The following PLXND1 variants were observed in gnomAD, a reference collection of about 807,000 sequenced individuals.
PLXND1 encodes the protein plexin D1.
Under a neutral mutation model 197.7 loss-of-function variants are expected in PLXND1, and 54 were observed. The ratio of observed to expected loss-of-function variants is 0.27; its 90% CI spans 0.22 to 0.34. The LOEUF is 0.34. Ranked by LOEUF, PLXND1 falls within the 10% of genes least tolerant of loss-of-function variation. The probability of loss-of-function intolerance (pLI) is 1.00; values close to 1 mark genes in which losing one functional copy is unlikely to be tolerated. For synonymous variants in PLXND1, 1,180 were observed against 1,161.2 expected (o/e 1.02, Z -0.33); for missense variants, 2,127 against 2,699.2 (o/e 0.79, Z 4.70).
intron 5 of PLXND1, among the ~76,000 whole-genome samples, chr3:129,585,749 C>T (rs903848225): frequency 4.6e-5 from 7 of 152,226 alleles, no homozygotes; most frequent in Non-Finnish European, 7.3e-5. Flanking sequence ...TAAGGCCTAA[C>T]GGAGGTGGAC....
In PLXND1 at chr3:129,571,981, C is replaced by T. The variant is rs528326220; in HGVS notation, c.3078-137G>A. 4 of 759,050 alleles carry T rather than the reference C, an allele frequency of 5.3e-6. No individual in the cohort carries two copies. In the East Asian group the frequency reaches 8.1e-5, roughly 15 times the overall value. 47.0% of individuals were successfully genotyped at this position (759,050 alleles called of 1,614,324 possible). ...TCCTTGACTGGTCCCAACTCATCTT[C>T]TGCCCAGTTAGTGCCCAGCTGTTTC... On this transcript the variant is annotated intron_variant, in intron 15 of 35. Transcript: ENST00000324093.
chr3:129,598,177 C>G (rs1560083420), intron 1 of PLXND1, among the ~76,000 whole-genome samples: 1 of 152,224 alleles, frequency 6.6e-6, no homozygotes, highest in Non-Finnish European at 1.5e-5. Context: ...AAGCCACATT[C>G]CAACATCTCT....
At chr3:129,592,743 A>C (rs1364551435) in intron 1 of PLXND1, among the ~76,000 whole-genome samples, 1 of 152,210 alleles carries the variant, frequency 6.6e-6, no homozygotes, top group Non-Finnish European at 1.5e-5. Context: ...TTTTTTAAAG[A>C]AGTAAGCCGT....
Position 129,563,084 on chromosome 3 carries a change from G to C in PLXND1, c.4668+10C>G. The C allele has an allele frequency of 6.2e-7, 1 of 1,613,370 alleles. No individual in the cohort carries two copies. Among genetic ancestry groups the C allele is most frequent in the Non-Finnish European group, 8.5e-7 (1 of 1,179,774 alleles). On this transcript the variant is annotated intron_variant, in intron 26 of 35. Transcript: ENST00000324093. The stretch of plus-strand genomic sequence containing the variant: ...GCAGCCCTGGGACCCTCCCCGCCCT[G>C]CCGACTTACCCGGGGCTTGGCCTCG...
Position 129,605,354 on chromosome 3 carries a change from G to A in PLXND1, c.1286C>T (p.Ala429Val). The A allele has an allele frequency of 6.8e-7, 1 of 1,467,856 alleles. No homozygotes were observed. 90.9% of individuals were successfully genotyped at this position (1,467,856 alleles called of 1,614,324 possible). Residue 429 changes from alanine to valine, a missense_variant, in exon 1 of 36, where the codon GCC becomes GTC. Coordinates refer to ENST00000324093, the MANE Select transcript of PLXND1 (RefSeq NM_015103.3). Reference sequence around the variant, plus strand: ...CTGGATGTTGAGCTTGCGCTCACAGGCCGGTCCCGTGCCCTGCACCACGCT... The same window carrying A: ...CTGGATGTTGAGCTTGCGCTCACAGACCGGTCCCGTGCCCTGCACCACGCT... Reference protein sequence around the residue: ...LDSVVQGTGPACERKLNIQLQ... With the variant: ...LDSVVQGTGPVCERKLNIQLQ...
intron 2 of PLXND1, 26 bp downstream of exon 2, chr3:129,589,325 C>A: frequency 2.6e-6 from 3 of 1,165,990 alleles, no homozygotes; most frequent in South Asian, 2.6e-5. Flanking sequence ...CCCCCACCCC[C>A]TCCCCACATC....
Position 129,597,694 on chromosome 3 carries a change from G to A in PLXND1, c.1311+7635C>T, listed in dbSNP as rs566279770. On this transcript the variant is annotated intron_variant, in intron 1 of 35. Coordinates refer to ENST00000324093, the MANE Select transcript of PLXND1 (RefSeq NM_015103.3). ...CTTGACTGCATCGAGTATCAGCCGAGCAGGGTGGAGCAGGGCCCCTGCCAC... is the reference window on the plus strand; with the variant it reads ...CTTGACTGCATCGAGTATCAGCCGAACAGGGTGGAGCAGGGCCCCTGCCAC... Among the ~76,000 whole-genome samples, 3 of 152,378 alleles carry A rather than the reference G, an allele frequency of 2.0e-5. No homozygotes were observed. The South Asian group carries it at 6.2e-4, about 32-fold the overall frequency.
Position 129,555,481 on chromosome 3 carries a change from G to C in PLXND1, c.*831C>G. 1.5e-6 allele frequency: 1 copy of C among 681,264 alleles called. No homozygotes were observed. Among genetic ancestry groups the C allele is most frequent in the South Asian group, 1.6e-5 (1 of 63,568 alleles). 42.2% of individuals were successfully genotyped at this position (681,264 alleles called of 1,614,324 possible). On this transcript the variant is annotated 3_prime_UTR_variant, in exon 36 of 36. Transcript: ENST00000324093. ...GGAGCCTCTCGGGACCCCTCCCCGGGTCCTCTGCGCAAGCGGCAGCTATTC... is the reference window on the plus strand; with the variant it reads ...GGAGCCTCTCGGGACCCCTCCCCGGCTCCTCTGCGCAAGCGGCAGCTATTC...
At chr3:129,559,596 C>A in intron 32 of PLXND1, 24 bp downstream of exon 32, 2 of 1,561,512 alleles carry the variant, frequency 1.3e-6, no homozygotes, top group East Asian at 2.3e-5. Context: ...ACAGTGAAGT[C>A]CACACGGCCC....
At chr3:129,584,737 TCA>T (rs899318270) in intron 5 of PLXND1, among the ~76,000 whole-genome samples, 175 bp from the exon 6 acceptor site, 1 of 152,152 alleles carries the variant, frequency 6.6e-6, no homozygotes, top group African/African-American at 2.4e-5. Flanking sequence ...CCTCTGAGCC[TCA>T]GTTTCCCCAG....
chr3:129,569,570 G>A (rs2085192420), intron 20 of PLXND1: 2 of 438,252 alleles, frequency 4.6e-6, no homozygotes, highest in Admixed American at 3.5e-5. Context: ...CTATTGACTG[G>A]AGAACATGGT....
intron 1 of PLXND1, among the ~76,000 whole-genome samples, chr3:129,599,605 A>T (rs1038217202): frequency 6.6e-6 from 1 of 152,220 alleles, no homozygotes; most frequent in Non-Finnish European, 1.5e-5. Context: ...CTCCTTCCAG[A>T]GGCTGATGAT....
Position 129,561,609 on chromosome 3 carries a change from G to T in PLXND1, c.4993+37C>A, listed in dbSNP as rs773467408. The T allele has an allele frequency of 3.3e-6, 5 of 1,495,540 alleles. No homozygotes were observed. In the South Asian group the frequency reaches 4.7e-5, roughly 14 times the overall value. The allele number at this position is 1,495,540 out of a possible 1,614,324, so 92.6% of individuals were successfully genotyped here. On this transcript the variant is annotated intron_variant, in intron 29 of 35. Transcript: ENST00000324093. ...ATGGGATGGAAGCCCCTGTCCACACGCAGCCTGGGCTCCCTTCCCACGTGC... is the reference window on the plus strand; with the variant it reads ...ATGGGATGGAAGCCCCTGTCCACACTCAGCCTGGGCTCCCTTCCCACGTGC...
At chr3:129,556,944 C>G (rs571263390) in intron 34 of PLXND1, 139 bp downstream of exon 34, 56 of 945,788 alleles carry the variant, frequency 5.9e-5, no homozygotes, top group African/African-American at 5.2e-4. Context: ...AATTTGCAGG[C>G]CAGCAAGAGG....
intron 6 of PLXND1, 24 bp from the exon 7 acceptor site, chr3:129,584,257 G>C (rs1484850363): frequency 1.9e-6 from 3 of 1,593,778 alleles, no homozygotes; most frequent in Non-Finnish European, 2.6e-6. Context: ...GGGAGCCAGG[G>C]GAGGACATGG....
intron 1 of PLXND1, among the ~76,000 whole-genome samples, chr3:129,604,176 T>A (rs1872114): frequency 1.3e-5 from 2 of 152,098 alleles, no homozygotes; most frequent in Admixed American, 6.5e-5. Flanking sequence ...GCCCCATGCC[T>A]GCCTGTACTC....
Position 129,560,693 on chromosome 3 carries a change from T to C in PLXND1, c.5024A>G (p.His1675Arg). 6.2e-7 allele frequency: 1 copy of C among 1,604,478 alleles called. No homozygotes were observed. The highest frequency in any genetic ancestry group is 8.5e-7 in the Non-Finnish European group (1 of 1,171,430). The change falls in exon 30 of 36, where the codon CAT becomes CGT. Residue 1675 changes from histidine (H) to arginine (R), a missense_variant. Physicochemically the swap from His to Arg is conservative, Grantham distance 29. Coordinates refer to ENST00000324093, the MANE Select transcript of PLXND1 (RefSeq NM_015103.3). The stretch of plus-strand genomic sequence containing the variant: ...GGGCCGAGGTTGGGCACTCACCAAA[T>C]GGAAATACTTCTCTGTGTCCAAGTC... ...VKDLDTEKYF[H>R]LVLPTDELAE...
chr3:129,575,515 T>C lies in PLXND1; in HGVS notation c.2484A>G (p.Leu828=). ...CCAGGAATCGGGCTGGCCGCCCCTT[T>C]AGTTGGAGGCTGAGCGGGAACACCT... The part of the protein sequence containing the change: ...KSQVFPLSLQ[L]KGRPARFLDS... The change falls in exon 11 of 36, where the codon CTA becomes CTG. Residue 828 remains leucine, a synonymous_variant. Coordinates refer to ENST00000324093, the MANE Select transcript of PLXND1 (RefSeq NM_015103.3). 6.4e-7 allele frequency: 1 copy of C among 1,557,172 alleles called. No homozygotes were observed. The highest frequency in any genetic ancestry group is 2.4e-5 in the East Asian group (1 of 41,522).
intron 15 of PLXND1, 33 bp from the exon 16 acceptor site, chr3:129,571,877 G>A: frequency 6.5e-7 from 1 of 1,547,886 alleles, no homozygotes; most frequent in Admixed American, 1.9e-5. Context: ...AGCAGGGCCT[G>A]CCTTCTGCTG....
Sources: allele counts gnomAD v4.1 joint callset (sites outside exome capture counted in the v4.1 genomes callset), GRCh38; gene constraint gnomAD v4.1.1; transcripts MANE v1.5; gene names NCBI Gene and HGNC (gene_info 2026-07-23, HGNC 2026-07-21).